The following PLEKHA7 variants were observed in gnomAD, a reference collection of about 807,000 sequenced individuals.
PLEKHA7 encodes pleckstrin homology domain-containing family A member 7.
In PLEKHA7, 104 loss-of-function variants were observed where a neutral mutation model predicts 170.0. That is an observed-to-expected ratio of 0.61 (90% CI 0.52 to 0.72). PLEKHA7 has a LOEUF of 0.72. PLEKHA7 is among the 30% of genes least tolerant of loss of function. PLEKHA7 has a pLI of 0.00. For synonymous variants in PLEKHA7, 648 were observed against 660.8 expected (o/e 0.98, Z 0.30); for missense variants, 1,615 against 1,671.7 (o/e 0.97, Z 0.59).
Position 16,865,843 on chromosome 11 carries a change from T to G in PLEKHA7, c.305+5256A>C, listed in dbSNP as rs1854346258. Among the ~76,000 whole-genome samples, 3 of 152,050 alleles carry G rather than the reference T, an allele frequency of 2.0e-5. No individual in the cohort carries two copies. In the South Asian group the frequency reaches 6.2e-4, roughly 32 times the overall value. ...GCTGTCCAACAAATACTTCATTTAT[T>G]TATTTATTTATTGAGATGGAGTCTC... On this transcript the variant is annotated intron_variant, in intron 4 of 26. Coordinates refer to ENST00000531066, the MANE Select transcript of PLEKHA7 (RefSeq NM_001329630.2).
Position 16,824,586 on chromosome 11 carries a change from T to G in PLEKHA7, c.1343+1534A>C, listed in dbSNP as rs564399218. ...TCCTTCATCCCGCATTCGAATTCAC[T>G]TACGAGTGTCGCTGTTTCAACCTCC... On this transcript the variant is annotated intron_variant, in intron 10 of 26. Coordinates refer to ENST00000531066, the MANE Select transcript of PLEKHA7 (RefSeq NM_001329630.2). Among the ~76,000 whole-genome samples, 3 of 152,330 alleles carry G rather than the reference T, an allele frequency of 2.0e-5. No homozygotes were observed. In the East Asian group the frequency reaches 5.8e-4, roughly 29 times the overall value.
intron 3 of PLEKHA7, among the ~76,000 whole-genome samples, chr11:16,887,317 CTCCCT>C: frequency 7.5e-6 from 1 of 132,932 alleles, no homozygotes; most frequent in Non-Finnish European, 1.7e-5. Context: ...CCCTCTCCCT[CTCCCT>C]CTCCCCACGG....
intron 4 of PLEKHA7, among the ~76,000 whole-genome samples, chr11:16,868,043 C>T (rs1304157591): frequency 1.6e-5 from 2 of 122,084 alleles, no homozygotes; most frequent in African/African-American, 3.1e-5. Context: ...ATGCTCTACC[C>T]TCCTTCCCCT....
chr11:16,887,109 T>C (rs529886298), intron 3 of PLEKHA7, among the ~76,000 whole-genome samples: 1 of 152,212 alleles, frequency 6.6e-6, no homozygotes, highest in East Asian at 1.9e-4. Context: ...AAGAGCAATA[T>C]TATTTTTAAA....
intron 3 of PLEKHA7, among the ~76,000 whole-genome samples, chr11:16,919,797 A>C (rs1858954581): frequency 6.6e-6 from 1 of 152,232 alleles, no homozygotes; most frequent in South Asian, 2.1e-4. Context: ...GCAGGGAAAA[A>C]AAAGACAACA....
In PLEKHA7 at chr11:16,779,034, C is replaced by G. The variant is rs1848827088; in HGVS notation, c.3794-14G>C. Reference sequence around the variant, plus strand: ...TCACTGCCTGGGCTGGCAAAAAGCACAGGAGACAGTGAGAGGCTGGCATCC... The same window carrying G: ...TCACTGCCTGGGCTGGCAAAAAGCAGAGGAGACAGTGAGAGGCTGGCATCC... On this transcript the variant is annotated splice_polypyrimidine_tract_variant and intron_variant, in intron 26 of 26. Transcript: ENST00000531066. 1 of 702,514 alleles carries G rather than the reference C, an allele frequency of 1.4e-6. No homozygotes were observed. 43.5% of individuals were successfully genotyped at this position (702,514 alleles called of 1,614,324 possible). A position where few individuals can be genotyped will look rare whatever the true frequency, so the allele number is the denominator to read the frequency against.
chr11:16,801,681 G>T lies in PLEKHA7; in HGVS notation c.2294C>A (p.Ser765Tyr), dbSNP rs1848605250. ...EDLVHIRAEL[S>Y]RESTEMENAW... ...CCCTCTACGCACAGTGGACTCTCTG[G>T]AGAGCTCAGCTCGGATATGGACAAG... The change falls in exon 16 of 27, where the codon TCC (serine) becomes TAC (tyrosine). Residue 765 changes from serine to tyrosine, a missense_variant. By Grantham distance (144) the Ser-to-Tyr change is moderately radical. Coordinates refer to ENST00000531066, the MANE Select transcript of PLEKHA7 (RefSeq NM_001329630.2). 3 of 1,614,102 alleles carry T rather than the reference G, an allele frequency of 1.9e-6. No homozygotes were observed. The highest frequency in any genetic ancestry group is 2.7e-5 in the African/African-American group (2 of 75,038).
At position 16,803,271 on chromosome 11, in the gene PLEKHA7, C is replaced by T; in HGVS notation, c.2032G>A (p.Asp678Asn). 6.2e-7 allele frequency: 1 copy of T among 1,613,966 alleles called. No homozygotes were observed. Among genetic ancestry groups the T allele is most frequent in the Non-Finnish European group, 8.5e-7 (1 of 1,179,834 alleles). ...ATCTTCACAGGCTTCAGACTTCGAT[C>T]CTTGAGAAGGTCCCGGCCTGTCATC... is the stretch of plus-strand genomic sequence containing the variant. ...LKMTGRDLLKDRSLKPVKIAE... is the reference protein window; with the variant it reads ...LKMTGRDLLKNRSLKPVKIAE... Residue 678 changes from aspartate to asparagine, a missense_variant, in exon 14 of 27, where the codon GAT becomes AAT. Asp to Asn is a conservative substitution (Grantham distance 23). Transcript: ENST00000531066.
intron 3 of PLEKHA7, among the ~76,000 whole-genome samples, chr11:16,937,589 T>C (rs370479786): frequency 6.6e-6 from 1 of 151,972 alleles, no homozygotes; most frequent in Admixed American, 6.6e-5. Context: ...CACTTAGCTA[T>C]CCCTTAACTA....
intron 3 of PLEKHA7, among the ~76,000 whole-genome samples, chr11:16,892,946 A>G (rs11024073): frequency 0.17 from 25,328 of 152,138 alleles, 2,612 homozygotes; most frequent in Non-Finnish European, 0.24. Flanking sequence ...TTCCTGCTGC[A>G]TCCTCACATA....
chr11:16,829,855 TTCTTTTTTC>T (rs913464257), intron 9 of PLEKHA7, among the ~76,000 whole-genome samples: 7 of 149,930 alleles, frequency 4.7e-5, no homozygotes, highest in African/African-American at 1.8e-4. Flanking sequence ...GGTTTCTTTT[TTCTTTTTTC>T]TTTTTTTCAC....
chr11:16,986,699 C>T (rs1012605512), intron 3 of PLEKHA7, among the ~76,000 whole-genome samples: 31 of 152,176 alleles, frequency 2.0e-4, no homozygotes, highest in Admixed American at 3.9e-4. Context: ...CCTGAGTAAC[C>T]TTGGGCAGGT....
rs762665604 is a variant in PLEKHA7 at position 16,816,973 on chromosome 11, A to C, written c.1693T>G (p.Ser565Ala). 2.5e-6 allele frequency: 4 copies of C among 1,609,710 alleles called. No individual in the cohort carries two copies. In the South Asian group the frequency reaches 3.3e-5, roughly 13 times the overall value. ...ATGTCCGAGGGAGATGGAGGCACAG[A>C]GATGGAGCGGGGCACCTCTAGCATG... ...RSMLEVPRSI[S>A]VPPSPSDIPP... The change falls in exon 11 of 27, where the codon TCT becomes GCT. Residue 565 changes from serine (S) to alanine (A), a missense_variant. Coordinates refer to ENST00000531066, the MANE Select transcript of PLEKHA7 (RefSeq NM_001329630.2).
chr11:16,979,349 G>A (rs568453904), intron 3 of PLEKHA7, among the ~76,000 whole-genome samples: 18 of 152,082 alleles, frequency 1.2e-4, no homozygotes, highest in South Asian at 4.2e-4. Flanking sequence ...TTCTTTACTC[G>A]AGTGCCTCAA....
chr11:16,984,615 A>G (rs1415455659), intron 3 of PLEKHA7, among the ~76,000 whole-genome samples: 1 of 151,934 alleles, frequency 6.6e-6, no homozygotes, highest in African/African-American at 2.4e-5. Context: ...CCACTCTCAC[A>G]CCCAGGCCTC....
intron 4 of PLEKHA7, among the ~76,000 whole-genome samples, chr11:16,869,257 C>T (rs385228): frequency 0.33 from 50,316 of 152,130 alleles, 8,646 homozygotes; most frequent in Non-Finnish European, 0.38. Flanking sequence ...CAGCCCCTGA[C>T]TGTCATCTCC....
chr11:16,839,046 T>C (rs1018528968), intron 9 of PLEKHA7, among the ~76,000 whole-genome samples: 2 of 152,148 alleles, frequency 1.3e-5, no homozygotes, highest in African/African-American at 4.8e-5. Flanking sequence ...TGTATTATAC[T>C]TTTACCCAGC....
At chr11:16,799,631 G>A (rs1362766158) in intron 17 of PLEKHA7, among the ~76,000 whole-genome samples, 2 of 152,162 alleles carry the variant, frequency 1.3e-5, no homozygotes, top group Non-Finnish European at 2.9e-5. Flanking sequence ...TATAACCTGG[G>A]CAGTTTTATA....
chr11:16,789,515 C>T lies in PLEKHA7; in HGVS notation c.3157-219G>A, dbSNP rs1849645750. ...AGCACCCATTCTGCAGATGCAGACA[C>T]TTAGGCTCAGGCCTGTCCAGTGAGG... is the stretch of plus-strand genomic sequence containing the variant. On this transcript the variant is annotated intron_variant, in intron 22 of 26. Transcript: ENST00000531066. This position sits in a 1 kb window ranked among gnomAD's most constrained non-coding sequence, Gnocchi z 4.6. The T allele has an allele frequency of 4.8e-6, 3 of 621,966 alleles. No homozygotes were observed. The highest frequency in any genetic ancestry group is 8.4e-6 in the Non-Finnish European group (3 of 355,936). The allele number at this position is 621,966 out of a possible 1,614,324, so 38.5% of individuals were successfully genotyped here. A position where few individuals can be genotyped will look rare whatever the true frequency, so the allele number is the denominator to read the frequency against.
Sources: allele counts gnomAD v4.1 joint callset (sites outside exome capture counted in the v4.1 genomes callset), GRCh38; gene constraint gnomAD v4.1.1; non-coding constraint Gnocchi (gnomAD v3.1); transcripts MANE v1.5; gene names NCBI Gene and HGNC (gene_info 2026-07-23, HGNC 2026-07-21).